CCDC6: variants seen among roughly 807,000 people sequenced by gnomAD.
CCDC6 encodes the protein coiled-coil domain containing 6.
Under a neutral mutation model 56.6 loss-of-function variants are expected in CCDC6, and 20 were observed. The observed-to-expected ratio is 0.35, with a 90% CI of 0.25 to 0.51. The LOEUF (loss-of-function observed/expected upper bound fraction) is 0.51, where lower values mean the gene tolerates loss of function less well. CCDC6 is among the 20% of genes least tolerant of loss of function. CCDC6 has a pLI of 0.95. For synonymous variants in CCDC6, 241 were observed against 234.4 expected (o/e 1.03, Z -0.26); for missense variants, 367 against 601.1 (o/e 0.61, Z 4.07).
At chr10:59,867,760 G>T (rs534040771) in intron 1 of CCDC6, among the ~76,000 whole-genome samples, 101 of 152,122 alleles carry the variant, frequency 6.6e-4, no homozygotes, top group Middle Eastern at 6.8e-3. Context: ...TAGAGATGGG[G>T]TTTCGCCATG....
At chr10:59,797,697 G>A (rs1564736559) in intron 7 of CCDC6, among the ~76,000 whole-genome samples, 1 of 149,608 alleles carries the variant, frequency 6.7e-6, no homozygotes, top group Admixed American at 6.7e-5. Context: ...GTGTGTGTGT[G>A]TGTGTGTGTG....
chr10:59,845,346 G>GTTTTTTTTTTTT (rs151236986), intron 2 of CCDC6, among the ~76,000 whole-genome samples: 5 of 96,948 alleles, frequency 5.2e-5, no homozygotes, highest in East Asian at 3.3e-4. Context: ...GCCCCTATGG[G>GTTTTTTTTTTTT]TTTTTTTTTT....
At chr10:59,878,213 G>A (rs1201462815) in intron 1 of CCDC6, among the ~76,000 whole-genome samples, 1 of 152,178 alleles carries the variant, frequency 6.6e-6, no homozygotes, top group African/African-American at 2.4e-5. Context: ...AATTTTTCTT[G>A]AGAAACAAAT....
chr10:59,818,119 G>T (rs1380832167), intron 3 of CCDC6, among the ~76,000 whole-genome samples: 1 of 152,150 alleles, frequency 6.6e-6, no homozygotes, highest in Admixed American at 6.5e-5. Flanking sequence ...TCAAGCTGTG[G>T]TTTGTGGGCC....
intron 3 of CCDC6, among the ~76,000 whole-genome samples, chr10:59,821,476 T>A (rs746857957): frequency 4.6e-5 from 7 of 151,964 alleles, no homozygotes; most frequent in African/African-American, 1.5e-4. Flanking sequence ...AACTGTCTTT[T>A]AAAAAAAAGA....
intron 5 of CCDC6, among the ~76,000 whole-genome samples, chr10:59,807,939 C>T (rs143458867): frequency 2.0e-5 from 3 of 152,262 alleles, no homozygotes; most frequent in East Asian, 3.9e-4. Flanking sequence ...ATTCTTTTCA[C>T]GAGAATAGAC....
chr10:59,890,839 G>A (rs983508764), intron 1 of CCDC6, among the ~76,000 whole-genome samples: 22 of 151,782 alleles, frequency 1.4e-4, no homozygotes, highest in Admixed American at 1.2e-3. Flanking sequence ...CCGTTAACTC[G>A]TCATTTACAT....
chr10:59,840,100 A>G (rs1353107979), intron 2 of CCDC6, among the ~76,000 whole-genome samples: 1 of 152,218 alleles, frequency 6.6e-6, no homozygotes, highest in East Asian at 1.9e-4. Context: ...CTGGGATTAC[A>G]GGCATGAGCC....
Position 59,906,475 on chromosome 10 carries a change from A to C in CCDC6, c.-51T>G. On this transcript the variant is annotated 5_prime_UTR_variant, in exon 1 of 9. Transcript: ENST00000263102. Reference sequence around the variant, plus strand: ...GAGGAGCAGCAGGGAGGCGGCGGCGACGAAGGCCGGGCTGCGAATGAGTGG... The same window carrying C: ...GAGGAGCAGCAGGGAGGCGGCGGCGCCGAAGGCCGGGCTGCGAATGAGTGG... 7.0e-7 allele frequency: 1 copy of C among 1,418,588 alleles called. No homozygotes were observed. The highest frequency in any genetic ancestry group is 9.1e-7 in the Non-Finnish European group (1 of 1,094,082). 87.9% of individuals were successfully genotyped at this position (1,418,588 alleles called of 1,614,324 possible).
At chr10:59,873,848 T>C (rs1038558401) in intron 1 of CCDC6, among the ~76,000 whole-genome samples, 1 of 152,188 alleles carries the variant, frequency 6.6e-6, no homozygotes, top group African/African-American at 2.4e-5. Flanking sequence ...AGAGAACACA[T>C]ATGTAGCTTT....
Position 59,802,384 on chromosome 10 carries a change from A to T in CCDC6, c.1105+2036T>A, listed in dbSNP as rs140472925. Among the ~76,000 whole-genome samples the T allele has an allele frequency of 4.2e-3, 634 of 152,370 alleles. 1 individual carries two copies. The highest frequency in any genetic ancestry group is 0.024 in the Middle Eastern group (7 of 294). The stretch of plus-strand genomic sequence containing the variant: ...CTATTCAAACAGCATATTTCCACTA[A>T]GGAAGTGATTAGATATTCTTAATGC... On this transcript the variant is annotated intron_variant, in intron 7 of 8. Coordinates refer to ENST00000263102, the MANE Select transcript of CCDC6 (RefSeq NM_005436.5).
At chr10:59,857,182 G>A (rs1354968894) in intron 1 of CCDC6, among the ~76,000 whole-genome samples, 1 of 152,138 alleles carries the variant, frequency 6.6e-6, no homozygotes, top group Non-Finnish European at 1.5e-5. Flanking sequence ...AAATTAAAGG[G>A]AGAGTAGGAT....
Position 59,791,709 on chromosome 10 carries a change from A to T in CCDC6, c.*1208T>A, listed in dbSNP as rs1053441771. On this transcript the variant is annotated 3_prime_UTR_variant, in exon 9 of 9. Transcript: ENST00000263102. ...AAAACAGCAACTGCTGAAAAACAAA[A>T]ATTAAGATGTTGCACGTGTTAAGAA... 4.7e-6 allele frequency: 1 copy of T among 212,132 alleles called. No individual in the cohort carries two copies. Among genetic ancestry groups the T allele is most frequent in the Non-Finnish European group, 9.6e-6 (1 of 104,436 alleles). The allele number at this position is 212,132 out of a possible 1,614,324, so 13.1% of individuals were successfully genotyped here. A position where few individuals can be genotyped will look rare whatever the true frequency, so the allele number is the denominator to read the frequency against.
rs573628599 is a variant in CCDC6, at chr10:59,802,619, A to C, written c.1105+1801T>G. Among the ~76,000 whole-genome samples, 21 of 152,320 alleles carry C rather than the reference A, an allele frequency of 1.4e-4. No homozygotes were observed. The East Asian group carries it at 1.5e-3, about 11-fold the overall frequency. ...ATTTAGGCTAGCTGTAAGGAAAAAA[A>C]ATCTAGGTGTTACTTATGACATAGT... On this transcript the variant is annotated intron_variant, in intron 7 of 8. Transcript: ENST00000263102.
At chr10:59,903,536 A>AT (rs1290199519) in intron 1 of CCDC6, among the ~76,000 whole-genome samples, 21 of 152,166 alleles carry the variant, frequency 1.4e-4, no homozygotes, top group African/African-American at 4.6e-4. Context: ...CAAAAAGGCA[A>AT]TGTGTCTTCC....
Position 59,791,753 on chromosome 10 carries a change from C to T in CCDC6, c.*1164G>A. ...TTAAGAAAAGAGTGACTCAGTGTTC[C>T]ACTGCAAAGTGAAACCAAATGATTT... On this transcript the variant is annotated 3_prime_UTR_variant, in exon 9 of 9. Coordinates refer to ENST00000263102, the MANE Select transcript of CCDC6 (RefSeq NM_005436.5). The T allele has an allele frequency of 4.7e-6, 1 of 214,280 alleles. No homozygotes were observed. Among genetic ancestry groups the T allele is most frequent in the Non-Finnish European group, 9.4e-6 (1 of 105,844 alleles). 13.3% of individuals were successfully genotyped at this position (214,280 alleles called of 1,614,324 possible).
At chr10:59,843,804 G>A (rs1398601027) in intron 2 of CCDC6, among the ~76,000 whole-genome samples, 2 of 152,168 alleles carry the variant, frequency 1.3e-5, no homozygotes, top group Non-Finnish European at 2.9e-5. Flanking sequence ...CCCAGCTGAT[G>A]CAAAACTAGT....
Position 59,814,564 on chromosome 10 carries a change from T to G in CCDC6, c.686+88A>C, listed in dbSNP as rs1310711085. 3.8e-6 allele frequency: 3 copies of G among 788,198 alleles called. No individual in the cohort carries two copies. The African/African-American group carries it at 5.1e-5, about 13-fold the overall frequency. The allele number at this position is 788,198 out of a possible 1,614,324, so 48.8% of individuals were successfully genotyped here. A position where few individuals can be genotyped will look rare whatever the true frequency, so the allele number is the denominator to read the frequency against. ...TGTGCATCACCAAAGAATTAAGGTG[T>G]CCTACTGCTATTCCTCAGTCACACC... On this transcript the variant is annotated intron_variant, in intron 4 of 8. Transcript: ENST00000263102.
intron 3 of CCDC6, among the ~76,000 whole-genome samples, chr10:59,825,861 A>G (rs747928250): frequency 6.6e-6 from 1 of 152,204 alleles, no homozygotes; most frequent in Non-Finnish European, 1.5e-5. Context: ...ACTTTAAAAT[A>G]TACTAAATAT....
Sources: gnomAD v4.1 joint callset for allele counts (sites outside exome capture counted in the v4.1 genomes callset) on GRCh38, gnomAD v4.1.1 for gene constraint, MANE v1.5 for transcripts, NCBI Gene and HGNC (gene_info 2026-07-23, HGNC 2026-07-21) for gene names.